The following ARHGEF3 variants were observed in gnomAD, a reference collection of about 807,000 sequenced individuals.
ARHGEF3 encodes the protein Rho guanine nucleotide exchange factor 3.
In ARHGEF3, 28 loss-of-function variants were observed where a neutral mutation model predicts 63.2. That is an observed-to-expected ratio of 0.44 (90% confidence interval 0.33 to 0.61). The LOEUF (loss-of-function observed/expected upper bound fraction) is 0.61. Among genes scored for constraint, ARHGEF3 ranks in the 20% least tolerant of loss-of-function variants. ARHGEF3 has a pLI of 0.03. For synonymous variants in ARHGEF3, 266 were observed against 254.2 expected, an observed-to-expected ratio of 1.05 and a Z score of -0.44; for missense variants, 533 against 659.3, an observed-to-expected ratio of 0.81 and a Z score of 2.10.
chr3:56,897,908 C>T (rs938318930), intron 3 of ARHGEF3, among the ~76,000 whole-genome samples: 1 of 151,604 alleles, frequency 6.6e-6, no homozygotes, highest in Non-Finnish European at 1.5e-5. Context: ...GAGACAGGGT[C>T]GCAGTTCTGT....
intron 2 of ARHGEF3, among the ~76,000 whole-genome samples, chr3:57,014,861 A>G (rs1157400017): frequency 6.6e-6 from 1 of 151,586 alleles, no homozygotes; most frequent in Non-Finnish European, 1.5e-5. Flanking sequence ...ATTTTTTTGT[A>G]TTTTTACTAG....
chr3:56,778,485 A>C (rs1440192003), intron 1 of ARHGEF3, among the ~76,000 whole-genome samples: 1 of 152,222 alleles, frequency 6.6e-6, no homozygotes, highest in African/African-American at 2.4e-5. Context: ...GCTATATCAT[A>C]TTAAACATTT....
At chr3:57,044,397 G>A (rs11717295) in intron 1 of ARHGEF3, among the ~76,000 whole-genome samples, 50,114 of 152,056 alleles carry the variant, frequency 0.33, 9,863 homozygotes, top group East Asian at 0.82. Flanking sequence ...AGCCGAGTCC[G>A]TAAGTCACTA....
At chr3:56,922,157 CAAG>C (rs2042160281) in intron 3 of ARHGEF3, among the ~76,000 whole-genome samples, 1 of 151,792 alleles carries the variant, frequency 6.6e-6, no homozygotes, top group Non-Finnish European at 1.5e-5. Flanking sequence ...TTGACTAACA[CAAG>C]AAGCAAGGGC....
chr3:56,864,651 T>C (rs1349740287), intron 4 of ARHGEF3, among the ~76,000 whole-genome samples: 2 of 152,130 alleles, frequency 1.3e-5, no homozygotes, highest in Non-Finnish European at 2.9e-5. Context: ...AGCGTGACTA[T>C]AGGAGATGCT....
intron 2 of ARHGEF3, among the ~76,000 whole-genome samples, chr3:56,986,055 T>G (rs929387429): frequency 3.3e-5 from 5 of 152,184 alleles, no homozygotes; most frequent in Non-Finnish European, 7.3e-5. Context: ...CACGCTGCAC[T>G]CTGCCAGATG....
chr3:57,047,419 G>A (rs1393588842), intron 1 of ARHGEF3, among the ~76,000 whole-genome samples: 1 of 143,578 alleles, frequency 7.0e-6, no homozygotes, highest in Non-Finnish European at 1.5e-5. Flanking sequence ...ACAACAAAGT[G>A]AAACTATTGG....
chr3:56,817,451 A>G (rs2038315696), intron 4 of ARHGEF3, among the ~76,000 whole-genome samples: 1 of 152,188 alleles, frequency 6.6e-6, no homozygotes, highest in African/African-American at 2.4e-5. Flanking sequence ...TCATCCAAGC[A>G]AAAAGTTCCA....
At chr3:57,052,277 A>T (rs1407994125) in intron 1 of ARHGEF3, among the ~76,000 whole-genome samples, 4 of 152,126 alleles carry the variant, frequency 2.6e-5, no homozygotes, top group Non-Finnish European at 4.4e-5. Flanking sequence ...CTGAGAACTC[A>T]GGCATTCTGG....
chr3:56,731,071 C>CAT (rs2107679623), intron 9 of ARHGEF3, among the ~76,000 whole-genome samples: 1 of 152,192 alleles, frequency 6.6e-6, no homozygotes, highest in Non-Finnish European at 1.5e-5. Context: ...GGCACATAGT[C>CAT]AGTACTCAAG....
intron 2 of ARHGEF3, among the ~76,000 whole-genome samples, chr3:56,979,817 G>C (rs941448667): frequency 1.3e-5 from 2 of 152,208 alleles, no homozygotes; most frequent in Non-Finnish European, 2.9e-5. Context: ...CAAGGGTTTG[G>C]TTGTTATGAG....
chr3:56,793,102 C>A (rs908823566), intron 1 of ARHGEF3, among the ~76,000 whole-genome samples: 4 of 152,002 alleles, frequency 2.6e-5, no homozygotes, highest in African/African-American at 9.7e-5. Context: ...CTCCCGAGTT[C>A]AAGCAATTCT....
chr3:56,916,397 C>A lies in ARHGEF3; in HGVS notation c.130-34043G>T, dbSNP rs777376656. ...ACCGGCTCCTAACTGCAGTGGAGCC[C>A]TGTGCACAGGATTCTCTGAACAGGG... On this transcript the variant is annotated intron_variant, in intron 3 of 12. Coordinates refer to the ARHGEF3 transcript ENST00000338458. 5.2e-6 allele frequency: 8 copies of A among 1,528,520 alleles called. No homozygotes were observed. The South Asian group carries it at 9.6e-5, about 18-fold the overall frequency. 94.7% of individuals were successfully genotyped at this position (1,528,520 alleles called of 1,614,324 possible). A position where few individuals can be genotyped will look rare whatever the true frequency, so the allele number is the denominator to read the frequency against.
chr3:57,074,300 G>A, intron 1 of ARHGEF3: 1 of 1,576,204 alleles, frequency 6.3e-7, no homozygotes, highest in Admixed American at 1.7e-5. Flanking sequence ...TGAGAGTCTG[G>A]CAGCTGTTTG....
chr3:56,829,488 C>T (rs2038853044), intron 4 of ARHGEF3, among the ~76,000 whole-genome samples: 1 of 152,126 alleles, frequency 6.6e-6, no homozygotes, highest in African/African-American at 2.4e-5. Context: ...CTCTAGCTAT[C>T]CCTGCAGCCC....
chr3:57,035,531 T>G (rs1184438181), intron 1 of ARHGEF3, among the ~76,000 whole-genome samples: 1 of 152,194 alleles, frequency 6.6e-6, no homozygotes, highest in Admixed American at 6.5e-5. Flanking sequence ...GTATTTTTAG[T>G]AAAGACAGGG....
intron 3 of ARHGEF3, among the ~76,000 whole-genome samples, chr3:56,923,071 TATATAA>T (rs1294549533): frequency 1.2e-4 from 5 of 40,432 alleles, no homozygotes; most frequent in African/African-American, 3.3e-4. Flanking sequence ...TATATATATA[TATATAA>T]ATTAGTTGGG....
At chr3:56,732,831 T>G (rs2033273966) in intron 8 of ARHGEF3, among the ~76,000 whole-genome samples, 1 of 152,242 alleles carries the variant, frequency 6.6e-6, no homozygotes, top group Admixed American at 6.5e-5. Flanking sequence ...CTCTTGACTT[T>G]AGTTTATATT....
At chr3:56,968,076 T>A (rs28883038) in intron 2 of ARHGEF3, among the ~76,000 whole-genome samples, 1 of 57,274 alleles carries the variant, frequency 1.7e-5, no homozygotes. Context: ...ATATAATATA[T>A]TATATATTTA....
Sources: allele counts gnomAD v4.1 joint callset (sites outside exome capture counted in the v4.1 genomes callset), GRCh38; gene constraint gnomAD v4.1.1; transcripts MANE v1.5; gene names NCBI Gene and HGNC (gene_info 2026-07-23, HGNC 2026-07-21).